Variants in PRKCQ observed in about 807,000 individuals in gnomAD.
The protein encoded by PRKCQ is protein kinase C theta, also known as protein kinase C theta type.
A neutral mutation model predicts 91.2 loss-of-function variants in PRKCQ; 41 were observed. The observed-to-expected ratio is 0.45, with a 90% CI of 0.35 to 0.58. The LOEUF is 0.58. Ranked by LOEUF, PRKCQ falls within the 20% of genes least tolerant of loss-of-function variation. The probability of loss-of-function intolerance (pLI) is 0.00; values close to 1 mark genes in which losing one functional copy is unlikely to be tolerated. For missense variants in PRKCQ, 673 were observed against 896.5 expected, an observed-to-expected ratio of 0.75 and a Z score of 3.18; for synonymous variants, 307 against 316.9, an observed-to-expected ratio of 0.97 and a Z score of 0.33.
At chr10:6,456,592 T>G (rs1835019742) in intron 15 of PRKCQ, 82 bp downstream of exon 15, 2 of 1,531,040 alleles carry the variant, frequency 1.3e-6, no homozygotes, top group Non-Finnish European at 1.8e-6. Flanking sequence ...ATTTAAAACC[T>G]TCTGATTTTC....
intron 1 of PRKCQ, among the ~76,000 whole-genome samples, chr10:6,559,420 G>A (rs534110225): frequency 2.0e-5 from 3 of 152,266 alleles, no homozygotes; most frequent in East Asian, 3.9e-4. Flanking sequence ...GAGTGCAGTG[G>A]CAGTTTCGGC....
intron 1 of PRKCQ, among the ~76,000 whole-genome samples, chr10:6,557,462 T>C (rs1403875593): frequency 6.6e-6 from 1 of 152,178 alleles, no homozygotes; most frequent in Non-Finnish European, 1.5e-5. Flanking sequence ...ACTCCCTTCT[T>C]CTCTCCTGCT....
intron 15 of PRKCQ, among the ~76,000 whole-genome samples, chr10:6,448,791 G>A (rs909798228): frequency 1.3e-5 from 2 of 152,118 alleles, no homozygotes; most frequent in African/African-American, 2.4e-5. Context: ...ATATAGTTCT[G>A]CAGACACCGC....
intron 1 of PRKCQ, among the ~76,000 whole-genome samples, chr10:6,548,938 G>A (rs530042001): frequency 6.6e-6 from 1 of 152,090 alleles, no homozygotes; most frequent in African/African-American, 2.4e-5. Context: ...ATCCAGCTCA[G>A]CTACAGTGAA....
chr10:6,580,434 C>G (rs917182377), upstream of PRKCQ: 9 of 152,086 alleles, frequency 5.9e-5, no homozygotes, highest in Non-Finnish European at 1.5e-5. Context: ...TAGCCAGGGA[C>G]GCGCGCTCGG....
chr10:6,415,450 A>G, the PRKCQ span, among the ~76,000 whole-genome samples: 1 of 98,900 alleles, frequency 1.0e-5, no homozygotes, highest in African/African-American at 3.6e-5. Context: ...ATATATATAT[A>G]TATATACACT....
chr10:6,455,573 A>G (rs1834959620), intron 15 of PRKCQ, among the ~76,000 whole-genome samples: 2 of 152,188 alleles, frequency 1.3e-5, no homozygotes, highest in African/African-American at 2.4e-5. Flanking sequence ...ATCTCCAATC[A>G]CACGTTTATT....
intron 1 of PRKCQ, among the ~76,000 whole-genome samples, chr10:6,542,629 T>C (rs1293251898): frequency 6.6e-6 from 1 of 152,150 alleles, no homozygotes; most frequent in Non-Finnish European, 1.5e-5. Context: ...TGTGTGTAGT[T>C]CAACAGCTGG....
chr10:6,535,214 C>T (rs977446910), intron 1 of PRKCQ, among the ~76,000 whole-genome samples: 4 of 152,152 alleles, frequency 2.6e-5, no homozygotes, highest in Admixed American at 2.6e-4. Context: ...GTTTTGATAA[C>T]ATTTGGTAAT....
In PRKCQ at chr10:6,435,985, G is replaced by A. The variant is rs573601851; in HGVS notation, c.1837-5047C>T. 7.8e-4 allele frequency among the ~76,000 whole-genome samples: 119 copies of A among 152,300 alleles called. 1 individual carries two copies. Among genetic ancestry groups the A allele is most frequent in the African/African-American group, 2.8e-3 (118 of 41,566 alleles). Reference sequence around the variant, plus strand: ...AAAATCAGCTGGGCATTGGTGGCATGCACCTGTAGTCCCAGCTTCATGGAA... The same window carrying A: ...AAAATCAGCTGGGCATTGGTGGCATACACCTGTAGTCCCAGCTTCATGGAA... On this transcript the variant is annotated intron_variant, in intron 16 of 17. Transcript: ENST00000263125.
At chr10:6,485,460 G>A (rs931120816) in intron 9 of PRKCQ, among the ~76,000 whole-genome samples, 191 bp from the exon 10 acceptor site, 1 of 152,186 alleles carries the variant, frequency 6.6e-6, no homozygotes, top group African/African-American at 2.4e-5. Flanking sequence ...TTATGCATTA[G>A]CCGAACACGT....
At chr10:6,452,897 C>T (rs1052504004) in intron 15 of PRKCQ, among the ~76,000 whole-genome samples, 5 of 139,600 alleles carry the variant, frequency 3.6e-5, no homozygotes, top group Non-Finnish European at 7.7e-5. Flanking sequence ...TGGATCCCTT[C>T]CTTACACCTT....
At chr10:6,572,715 C>T (rs1051376259) in intron 1 of PRKCQ, among the ~76,000 whole-genome samples, 1 of 152,110 alleles carries the variant, frequency 6.6e-6, no homozygotes, top group Admixed American at 6.5e-5. Context: ...ATCTTTATAA[C>T]AGAATGGTTT....
At chr10:6,564,244 C>T (rs559902265) in intron 1 of PRKCQ, among the ~76,000 whole-genome samples, 5 of 152,300 alleles carry the variant, frequency 3.3e-5, no homozygotes, top group African/African-American at 1.2e-4. Context: ...CTCTACCGCA[C>T]ATCTTCAGCG....
At chr10:6,413,077 T>C in the PRKCQ span, among the ~76,000 whole-genome samples, 1 of 152,256 alleles carries the variant, frequency 6.6e-6, no homozygotes, top group East Asian at 1.9e-4. Flanking sequence ...CTCAGCCTCC[T>C]GAATAGCTGG....
At chr10:6,573,319 C>T (rs1382643700) in intron 1 of PRKCQ, among the ~76,000 whole-genome samples, 1 of 152,164 alleles carries the variant, frequency 6.6e-6, no homozygotes, top group Non-Finnish European at 1.5e-5. Context: ...CTGAGATGAA[C>T]TTCTCTCAAA....
rs935751104 is a variant in PRKCQ, at chr10:6,465,841, A to G, written c.1354-1437T>C. ...GTTTCCGATCTGATTTACTAATTCC[A>G]TATATCTTTAAGTGAAGCCCACCCT... On this transcript the variant is annotated intron_variant, in intron 12 of 17. Coordinates refer to ENST00000263125, the MANE Select transcript of PRKCQ (RefSeq NM_006257.5). The surrounding 1 kb of genome is among the most constrained non-coding windows in gnomAD (Gnocchi z 4.4). 6.6e-6 allele frequency among the ~76,000 whole-genome samples: 1 copy of G among 152,208 alleles called. No individual in the cohort carries two copies. Among genetic ancestry groups the G allele is most frequent in the African/African-American group, 2.4e-5 (1 of 41,456 alleles).
chr10:6,564,797 G>A (rs1401346237), intron 1 of PRKCQ, among the ~76,000 whole-genome samples: 4 of 152,098 alleles, frequency 2.6e-5, no homozygotes, highest in Non-Finnish European at 5.9e-5. Flanking sequence ...GCAATGCTCT[G>A]GGTCAAATAA....
chr10:6,543,306 C>T (rs140743673), intron 1 of PRKCQ, among the ~76,000 whole-genome samples: 7 of 152,194 alleles, frequency 4.6e-5, no homozygotes, highest in Non-Finnish European at 8.8e-5. Flanking sequence ...TCAGCCCTGG[C>T]GGAGCAGCAC....
Sources: allele counts gnomAD v4.1 joint callset (sites outside exome capture counted in the v4.1 genomes callset), GRCh38; gene constraint gnomAD v4.1.1; non-coding constraint Gnocchi (gnomAD v3.1); transcripts MANE v1.5; gene names NCBI Gene and HGNC (gene_info 2026-07-23, HGNC 2026-07-21).